Variants in CELSR1 observed in about 807,000 individuals in gnomAD.
The protein encoded by CELSR1 is cadherin EGF LAG seven-pass G-type receptor 1.
CELSR1 carries 110 observed loss-of-function variants against 249.1 expected under a neutral mutation model. The observed-to-expected ratio is 0.44, with a 90% CI of 0.38 to 0.52. The LOEUF is 0.52. Among genes scored for constraint, CELSR1 ranks in the 20% least tolerant of loss-of-function variants. CELSR1 has a pLI of 0.00. For synonymous variants in CELSR1, 2,113 were observed against 1,900.0 expected, an observed-to-expected ratio of 1.11 and a Z score of -2.92; for missense variants, 4,109 against 4,296.4, an observed-to-expected ratio of 0.96 and a Z score of 1.22.
In CELSR1 at chr22:46,506,112, G is replaced by A. The variant is rs6008877; in HGVS notation, c.3544+27515C>T. Among the ~76,000 whole-genome samples, 3,832 of 151,440 alleles carry A rather than the reference G, an allele frequency of 0.025. 160 individuals carry two copies. The highest frequency in any genetic ancestry group is 0.089 in the African/African-American group (3,656 of 40,962). ...GAGAATCACTTGAACCTGGGAGGAC[G>A]AGGTTGCAGTGAGCTGAGATCACAC... On this transcript the variant is annotated intron_variant, in intron 1 of 34. Coordinates refer to ENST00000674500, the MANE Select transcript of CELSR1 (RefSeq NM_001378328.1). This position sits in a 1 kb window ranked among gnomAD's most constrained non-coding sequence, Gnocchi z 4.1.
At position 46,441,461 on chromosome 22, in the gene CELSR1, T is replaced by G. The variant is rs1350484294; in HGVS notation, c.4184-2050A>C. 6.6e-6 allele frequency among the ~76,000 whole-genome samples: 1 copy of G among 152,072 alleles called. No individual in the cohort carries two copies. The highest frequency in any genetic ancestry group is 2.4e-5 in the African/African-American group (1 of 41,404). On this transcript the variant is annotated intron_variant, in intron 2 of 34. Transcript: ENST00000674500. This position sits in a 1 kb window ranked among gnomAD's most constrained non-coding sequence, Gnocchi z 6.1. ...AGAATGAAAACACACTTACGACGCC[T>G]CAGTCTGCTTGGGCTGCCATAATGA...
At chr22:46,424,315 G>GCAATCCTC (rs1180654638) in intron 5 of CELSR1, among the ~76,000 whole-genome samples, 1 of 152,000 alleles carries the variant, frequency 6.6e-6, no homozygotes, top group Non-Finnish European at 1.5e-5. Flanking sequence ...CTGGGCTCAA[G>GCAATCCTC]CAATCCTCCC....
In CELSR1 at chr22:46,517,386, C is replaced by T. The variant is rs1379757031; in HGVS notation, c.3544+16241G>A. Reference sequence around the variant, plus strand: ...AACACCAAAGCCACCGGTTTCCTGCCTACGGGGTCATCCCGGCCTGGTTTT... The same window carrying T: ...AACACCAAAGCCACCGGTTTCCTGCTTACGGGGTCATCCCGGCCTGGTTTT... On this transcript the variant is annotated intron_variant, in intron 1 of 34. Transcript: ENST00000674500. This position sits in a 1 kb window ranked among gnomAD's most constrained non-coding sequence, Gnocchi z 5.4. Among the ~76,000 whole-genome samples the T allele has an allele frequency of 1.3e-5, 2 of 152,242 alleles. No homozygotes were observed. Among genetic ancestry groups the T allele is most frequent in the African/African-American group, 4.8e-5 (2 of 41,470 alleles).
At chr22:46,466,939 C>G (rs1239952911) in intron 1 of CELSR1, among the ~76,000 whole-genome samples, 3 of 152,154 alleles carry the variant, frequency 2.0e-5, no homozygotes, top group Non-Finnish European at 2.9e-5. Flanking sequence ...CATCAGGACG[C>G]AGCAAGAAGG....
chr22:46,475,594 C>G (rs1165027184), intron 1 of CELSR1, among the ~76,000 whole-genome samples: 1 of 149,484 alleles, frequency 6.7e-6, no homozygotes, highest in Non-Finnish European at 1.5e-5. Context: ...CTGAACTGCA[C>G]ACTTAAAAAT....
intron 5 of CELSR1, among the ~76,000 whole-genome samples, chr22:46,420,599 G>A (rs2147373640): frequency 6.6e-6 from 1 of 151,994 alleles, no homozygotes; most frequent in South Asian, 2.1e-4. Flanking sequence ...TCGTGCTCAT[G>A]CTTGCACAAT....
chr22:46,366,343 G>A lies in CELSR1; in HGVS notation c.8300+43C>T, dbSNP rs111934710. 161 of 1,497,614 alleles carry A rather than the reference G, an allele frequency of 1.1e-4. No individual in the cohort carries two copies. In the African/African-American group the frequency reaches 1.5e-3, roughly 14 times the overall value. The allele number at this position is 1,497,614 out of a possible 1,614,324, so 92.8% of individuals were successfully genotyped here. On this transcript the variant is annotated intron_variant, in intron 30 of 34. Coordinates refer to ENST00000674500, the MANE Select transcript of CELSR1 (RefSeq NM_001378328.1). ...GGGGTGGCAGGGGCAAAACCTGAGG[G>A]AGTTCGAGAGCCACCTCCCCGAACC...
At chr22:46,418,483 T>C (rs2079428730) in intron 5 of CELSR1, among the ~76,000 whole-genome samples, 2 of 148,172 alleles carry the variant, frequency 1.3e-5, no homozygotes, top group African/African-American at 2.6e-5. Flanking sequence ...AGATTCCGCC[T>C]CAGAATAAAT....
chr22:46,365,031 C>A, intron 32 of CELSR1, among the ~76,000 whole-genome samples, 200 bp downstream of exon 32: 1 of 152,330 alleles, frequency 6.6e-6, no homozygotes, highest in Middle Eastern at 3.4e-3. Context: ...TTCCTGCCTC[C>A]GCTCAGGGGG....
Position 46,364,234 on chromosome 22 carries a change from CTT to C in CELSR1, c.8795_8796del (p.Lys2932SerfsTer26). ...AGCGTCAGCGGCGGCGGGTAGGTGA[CTT>C]TATTTTTCAAGATGCCTGGGAGGAG... ...PEQRKGILKN[K>X]VTYPPPLTLT... On this transcript the variant is annotated frameshift_variant, in exon 34 of 35. Transcript: ENST00000674500. LOFTEE classifies it high-confidence loss of function. 1.9e-6 allele frequency: 3 copies of C among 1,609,088 alleles called. No individual in the cohort carries two copies. Among genetic ancestry groups the C allele is most frequent in the Non-Finnish European group, 2.5e-6 (3 of 1,179,574 alleles).
At chr22:46,477,228 C>T (rs1232082874) in intron 1 of CELSR1, among the ~76,000 whole-genome samples, 8 of 152,182 alleles carry the variant, frequency 5.3e-5, no homozygotes, top group Non-Finnish European at 7.3e-5. Flanking sequence ...TCTGTTTATA[C>T]CATGAGCTAA....
At chr22:46,453,228 C>T (rs576669309) in intron 2 of CELSR1, among the ~76,000 whole-genome samples, 4 of 152,282 alleles carry the variant, frequency 2.6e-5, no homozygotes, top group East Asian at 3.9e-4. Context: ...CCGGTGCGTT[C>T]GTTATCAGCA....
chr22:46,494,519 A>T (rs543086745), intron 1 of CELSR1, among the ~76,000 whole-genome samples: 4 of 151,946 alleles, frequency 2.6e-5, no homozygotes, highest in African/African-American at 7.2e-5. Flanking sequence ...ATTTTATTTT[A>T]TTTTTTTGAG....
At chr22:46,414,225 T>C (rs1179416676) in intron 5 of CELSR1, among the ~76,000 whole-genome samples, 1 of 152,186 alleles carries the variant, frequency 6.6e-6, no homozygotes, top group African/African-American at 2.4e-5. Flanking sequence ...CGGTCTCTGA[T>C]AGACAGCGCC....
chr22:46,503,311 C>T (rs547708911), intron 1 of CELSR1, among the ~76,000 whole-genome samples: 1 of 152,348 alleles, frequency 6.6e-6, no homozygotes, highest in South Asian at 2.1e-4. Flanking sequence ...CCTTTCATGC[C>T]AGACGCTACC....
chr22:46,455,986 C>G (rs1479102752), intron 2 of CELSR1, among the ~76,000 whole-genome samples: 1 of 152,200 alleles, frequency 6.6e-6, no homozygotes, highest in African/African-American at 2.4e-5. Flanking sequence ...ACTTGAGAAG[C>G]ACCAAGGAGA....
chr22:46,435,569 C>T (rs2079650004), intron 4 of CELSR1, among the ~76,000 whole-genome samples: 1 of 152,034 alleles, frequency 6.6e-6, no homozygotes, highest in South Asian at 2.1e-4. Context: ...AGGCATGAGC[C>T]ACTGCACCCG....
chr22:46,433,360 G>C lies in CELSR1; in HGVS notation c.4611+33C>G. ...CCAGGGCACCTTCTCGAGCCGCCCT[G>C]GGGCCAGGGGGAAGTGGTGGGGCCC... is the stretch of plus-strand genomic sequence containing the variant. On this transcript the variant is annotated intron_variant, in intron 5 of 34. Coordinates refer to ENST00000674500, the MANE Select transcript of CELSR1 (RefSeq NM_001378328.1). This position sits in a 1 kb window ranked among gnomAD's most constrained non-coding sequence, Gnocchi z 5.7. 6.3e-7 allele frequency: 1 copy of C among 1,582,890 alleles called. No individual in the cohort carries two copies. Among genetic ancestry groups the C allele is most frequent in the Non-Finnish European group, 8.7e-7 (1 of 1,154,732 alleles).
rs2080333432 is a variant in CELSR1 at position 46,488,091 on chromosome 22, G to A, written c.3545-23746C>T. On this transcript the variant is annotated intron_variant, in intron 1 of 34. Transcript: ENST00000674500. The surrounding 1 kb of genome is among the most constrained non-coding windows in gnomAD (Gnocchi z 4.7). ...GAGGGAGGGGTGTCAAGTACCAGTG[G>A]AGGCACGGGGAGGGGTCCTGCCCTG... Among the ~76,000 whole-genome samples the A allele has an allele frequency of 6.6e-6, 1 of 151,666 alleles. No individual in the cohort carries two copies. Among genetic ancestry groups the A allele is most frequent in the Non-Finnish European group, 1.5e-5 (1 of 67,862 alleles).
Sources: allele counts gnomAD v4.1 joint callset (sites outside exome capture counted in the v4.1 genomes callset), GRCh38; gene constraint gnomAD v4.1.1; non-coding constraint Gnocchi (gnomAD v3.1); transcripts MANE v1.5; gene names NCBI Gene and HGNC (gene_info 2026-07-23, HGNC 2026-07-21).